Variants in CDH13 observed in about 807,000 individuals in gnomAD.
CDH13 encodes the protein cadherin-13.
Under a neutral mutation model 63.8 loss-of-function variants are expected in CDH13, and 24 were observed. The observed-to-expected ratio is 0.38, with a 90% confidence interval of 0.27 to 0.53. The LOEUF (loss-of-function observed/expected upper bound fraction) is 0.53. Ranked by LOEUF, CDH13 falls within the 20% of genes least tolerant of loss-of-function variation. The pLI is 0.85. For synonymous variants in CDH13, 503 were observed against 355.3 expected, an observed-to-expected ratio of 1.42 and a Z score of -4.67; for missense variants, 1,049 against 903.1, an observed-to-expected ratio of 1.16 and a Z score of -2.07.
chr16:83,652,145 C>A (rs189028291), intron 8 of CDH13, among the ~76,000 whole-genome samples: 1 of 152,134 alleles, frequency 6.6e-6, no homozygotes, highest in Non-Finnish European at 1.5e-5. Flanking sequence ...TACAGTCGGG[C>A]CCAAGGGGTC....
intron 1 of CDH13, among the ~76,000 whole-genome samples, chr16:82,798,682 G>A (rs186588274): frequency 7.9e-5 from 12 of 152,240 alleles, no homozygotes; most frequent in Admixed American, 7.9e-4. Flanking sequence ...CTGTGAATAA[G>A]TGCCATAGGC....
intron 6 of CDH13, among the ~76,000 whole-genome samples, chr16:83,456,276 A>C (rs2073022519): frequency 1.3e-5 from 2 of 152,218 alleles, no homozygotes; most frequent in South Asian, 4.1e-4. Context: ...TGAACATTTC[A>C]CTAAATCGAA....
At position 83,036,263 on chromosome 16, in the gene CDH13, C is replaced by T. The variant is rs1916846653; in HGVS notation, c.366+4045C>T. On this transcript the variant is annotated intron_variant, in intron 3 of 13. Coordinates refer to ENST00000567109, the MANE Select transcript of CDH13 (RefSeq NM_001257.5). The stretch of plus-strand genomic sequence containing the variant: ...CTCCTGGGTTCAAGTGATTCTCCTG[C>T]CTCAGCCTTCTGAGTGGCTGAGATT... 2.6e-5 allele frequency among the ~76,000 whole-genome samples: 4 copies of T among 151,588 alleles called. No individual in the cohort carries two copies. The South Asian group carries it at 8.4e-4, about 32-fold the overall frequency.
intron 10 of CDH13, among the ~76,000 whole-genome samples, chr16:83,742,369 C>T (rs1370445267): frequency 6.6e-6 from 1 of 152,180 alleles, no homozygotes; most frequent in African/African-American, 2.4e-5. Context: ...TTGGCAAGCA[C>T]TCAGAGCAGC....
intron 5 of CDH13, 55 bp downstream of exon 5, chr16:83,217,552 T>C (rs1435149341): frequency 4.5e-6 from 7 of 1,556,674 alleles, no homozygotes; most frequent in African/African-American, 2.7e-5. Flanking sequence ...CTTTCAAAGA[T>C]TGTTTTCTTC....
At chr16:83,038,075 G>C (rs1477056114) in intron 3 of CDH13, among the ~76,000 whole-genome samples, 1 of 152,200 alleles carries the variant, frequency 6.6e-6, no homozygotes, top group Non-Finnish European at 1.5e-5. Flanking sequence ...AGAGAGGTAG[G>C]TGGGACCGCC....
At chr16:83,204,289 A>C (rs2039118446) in intron 4 of CDH13, among the ~76,000 whole-genome samples, 1 of 152,190 alleles carries the variant, frequency 6.6e-6, no homozygotes, top group African/African-American at 2.4e-5. Context: ...TATCTAGCAG[A>C]CTTTGGCAAG....
intron 1 of CDH13, among the ~76,000 whole-genome samples, chr16:82,639,015 G>C (rs892018023): frequency 9.9e-5 from 15 of 152,166 alleles, no homozygotes; most frequent in African/African-American, 3.4e-4. Context: ...GAGTGGTGGA[G>C]TCATTTGCTC....
At chr16:83,789,520 T>C (rs1342524486) in intron 13 of CDH13, among the ~76,000 whole-genome samples, 1 of 151,878 alleles carries the variant, frequency 6.6e-6, no homozygotes, top group Non-Finnish European at 1.5e-5. Context: ...CTAATTTTTT[T>C]GTATTTTTAG....
intron 8 of CDH13, among the ~76,000 whole-genome samples, chr16:83,633,944 G>C (rs1911008096): frequency 6.6e-6 from 1 of 152,118 alleles, no homozygotes. Context: ...ATGATCACAG[G>C]CTCACAGAAG....
intron 1 of CDH13, among the ~76,000 whole-genome samples, chr16:82,677,672 A>G (rs925806268): frequency 6.6e-6 from 1 of 152,128 alleles, no homozygotes; most frequent in Non-Finnish European, 1.5e-5. Context: ...GACTCACAAA[A>G]CACAATACAC....
intron 6 of CDH13, among the ~76,000 whole-genome samples, chr16:83,427,192 G>A (rs966274524): frequency 1.3e-5 from 2 of 151,962 alleles, no homozygotes; most frequent in South Asian, 2.1e-4. Context: ...GGGATTACAG[G>A]TGTGAGCCAC....
At chr16:82,966,212 G>T (rs1169442136) in intron 2 of CDH13, among the ~76,000 whole-genome samples, 1 of 152,148 alleles carries the variant, frequency 6.6e-6, no homozygotes, top group East Asian at 1.9e-4. Context: ...GCAGTGGTGC[G>T]ATCTCGGCCC....
chr16:83,111,879 G>C (rs1443445103), intron 3 of CDH13, among the ~76,000 whole-genome samples: 1 of 152,164 alleles, frequency 6.6e-6, no homozygotes, highest in Non-Finnish European at 1.5e-5. Context: ...CCCTGATGAA[G>C]CATTCAGTCT....
In CDH13 at chr16:83,106,167, A is replaced by G. The variant is rs943302161; in HGVS notation, c.367-19218A>G. 2.6e-5 allele frequency among the ~76,000 whole-genome samples: 4 copies of G among 152,242 alleles called. No homozygotes were observed. The East Asian group carries it at 7.7e-4, about 29-fold the overall frequency. The stretch of plus-strand genomic sequence containing the variant: ...AAGGAATTCTCATTACAGAAAAACA[A>G]GCAAAAGCAAATGAAACTCTACCTA... On this transcript the variant is annotated intron_variant, in intron 3 of 13. Transcript: ENST00000567109.
At chr16:82,678,678 C>T (rs1375124846) in intron 1 of CDH13, among the ~76,000 whole-genome samples, 2 of 152,130 alleles carry the variant, frequency 1.3e-5, no homozygotes, top group African/African-American at 4.8e-5. Flanking sequence ...CTGTGCAAAA[C>T]AGGTGGCATG....
intron 2 of CDH13, among the ~76,000 whole-genome samples, chr16:82,948,946 A>C (rs928554850): frequency 1.3e-5 from 2 of 152,206 alleles, no homozygotes; most frequent in African/African-American, 4.8e-5. Flanking sequence ...TGTAAGTAAT[A>C]GCACTTTCAA....
chr16:82,831,094 C>G (rs1175503342), intron 1 of CDH13, among the ~76,000 whole-genome samples: 1 of 152,046 alleles, frequency 6.6e-6, no homozygotes, highest in African/African-American at 2.4e-5. Flanking sequence ...TCAGCATCAC[C>G]TGAGCACTTG....
At chr16:83,217,623 T>C in intron 5 of CDH13, 126 bp downstream of exon 5, 10 of 947,040 alleles carry the variant, frequency 1.1e-5, no homozygotes, top group Non-Finnish European at 1.6e-5. Context: ...TTAGGGTGTT[T>C]CTGTGGGAGC....
Sources: allele counts gnomAD v4.1 joint callset (sites outside exome capture counted in the v4.1 genomes callset), GRCh38; gene constraint gnomAD v4.1.1; transcripts MANE v1.5; gene names NCBI Gene and HGNC (gene_info 2026-07-23, HGNC 2026-07-21).